CASP8: variants seen among roughly 807,000 people sequenced by gnomAD.
CASP8 encodes caspase-8.
In CASP8, 24 loss-of-function variants were observed where a neutral mutation model predicts 46.3. That is an observed-to-expected ratio of 0.52 (90% CI 0.38 to 0.73). The LOEUF is 0.73. Among genes scored for constraint, CASP8 ranks in the 30% least tolerant of loss-of-function variants. CASP8 has a pLI of 0.00. For synonymous variants in CASP8, 188 were observed against 200.4 expected (o/e 0.94, Z 0.52); for missense variants, 460 against 559.0 (o/e 0.82, Z 1.79).
chr2:201,267,929 G>T (rs1316039229), intron 2 of CASP8, among the ~76,000 whole-genome samples: 1 of 152,028 alleles, frequency 6.6e-6, no homozygotes, highest in Non-Finnish European at 1.5e-5. Flanking sequence ...TTTTTGTTTT[G>T]TTTTGTTTTG....
At chr2:201,243,571 G>A (rs1240332291) in intron 2 of CASP8, among the ~76,000 whole-genome samples, 1 of 152,064 alleles carries the variant, frequency 6.6e-6, no homozygotes, top group Non-Finnish European at 1.5e-5. Flanking sequence ...CAAATACTAG[G>A]AAGCTAATAG....
chr2:201,240,952 A>G (rs148408744), intron 2 of CASP8: 1 of 152,246 alleles, frequency 6.6e-6, no homozygotes, highest in Non-Finnish European at 1.5e-5. Context: ...AAATAAAAAA[A>G]GAAATTAGGA....
chr2:201,241,630 G>T (rs747094948), intron 2 of CASP8: 3 of 152,170 alleles, frequency 2.0e-5, no homozygotes, highest in Non-Finnish European at 4.4e-5. Flanking sequence ...ATCTCAAGAA[G>T]AATTAATGCC....
chr2:201,285,650 G>C (rs527601128), intron 8 of CASP8, among the ~76,000 whole-genome samples: 2 of 152,298 alleles, frequency 1.3e-5, no homozygotes, highest in Admixed American at 1.3e-4. Context: ...GGAAAGGATA[G>C]GAAAGTCATA....
Position 201,286,843 on chromosome 2 carries a change from TCTC to T in CASP8, c.*252_*254del. 1 of 405,910 alleles carries T rather than the reference TCTC, an allele frequency of 2.5e-6. No individual in the cohort carries two copies. The highest frequency in any genetic ancestry group is 4.7e-6 in the Non-Finnish European group (1 of 214,158). The allele number at this position is 405,910 out of a possible 1,614,324, so 25.1% of individuals were successfully genotyped here. A position where few individuals can be genotyped will look rare whatever the true frequency, so the allele number is the denominator to read the frequency against. On this transcript the variant is annotated 3_prime_UTR_variant, in exon 9 of 9. Transcript: ENST00000673742. ...ACTGTGTTAGCCAGGGTGGTCTTGA[TCTC>T]CTGACCTCGTGATCCACCCACCTCG...
chr2:201,244,770 C>T (rs1946439077), intron 2 of CASP8, among the ~76,000 whole-genome samples: 1 of 152,086 alleles, frequency 6.6e-6, no homozygotes, highest in Non-Finnish European at 1.5e-5. Flanking sequence ...TTTTTAATAG[C>T]TAATCTAATC....
intron 7 of CASP8, among the ~76,000 whole-genome samples, chr2:201,283,331 A>C (rs1395068147): frequency 1.6e-5 from 1 of 64,386 alleles, no homozygotes; most frequent in African/African-American, 5.6e-5. Context: ...CTCACTTCCC[A>C]GTAGGGGCGG....
intron 2 of CASP8, among the ~76,000 whole-genome samples, chr2:201,255,324 TACCTCA>T (rs1170095171): frequency 1.3e-5 from 2 of 152,210 alleles, no homozygotes; most frequent in Admixed American, 1.3e-4. Context: ...GTGATCCGCC[TACCTCA>T]ATCTCTTCAA....
At chr2:201,274,540 T>A (rs1027714114) in intron 5 of CASP8, among the ~76,000 whole-genome samples, 1 of 152,212 alleles carries the variant, frequency 6.6e-6, no homozygotes, top group Non-Finnish European at 1.5e-5. Context: ...AGTAGTGCGA[T>A]CTCAGCTCAC....
At chr2:201,238,958 T>C (rs1446002739) in intron 2 of CASP8, among the ~76,000 whole-genome samples, 1 of 151,430 alleles carries the variant, frequency 6.6e-6, no homozygotes, top group Non-Finnish European at 1.5e-5. Context: ...GATTAGGGAG[T>C]GGTGATGACT....
chr2:201,281,839 A>G, intron 7 of CASP8: 2 of 1,460,742 alleles, frequency 1.4e-6, no homozygotes, highest in African/African-American at 1.4e-5. Flanking sequence ...TCAGGGTTTG[A>G]GAATGTTTTT....
chr2:201,277,003 T>C (rs763451173), intron 7 of CASP8, 35 bp downstream of exon 7: 2 of 1,472,674 alleles, frequency 1.4e-6, no homozygotes, highest in Non-Finnish European at 1.9e-6. Flanking sequence ...AGTAAAATAT[T>C]TCTTATGCCT....
intron 6 of CASP8, among the ~76,000 whole-genome samples, chr2:201,275,279 GAGAA>G (rs1279740708): frequency 1.3e-5 from 2 of 152,154 alleles, no homozygotes; most frequent in African/African-American, 4.8e-5. Context: ...GAGTGGTTTG[GAGAA>G]AGAGTCTAGC....
Position 201,266,564 on chromosome 2 carries a change from C to A in CASP8, c.78C>A (p.Ser26Arg). ...SEDLASLKFL[S>R]LDYIPQRKQE... ...ATCTGGCCTCCCTCAAGTTCCTGAG[C>A]CTGGACTACATTCCGCAAAGGAAGC... Residue 26 changes from serine to arginine, a missense_variant, in exon 2 of 9, where the codon AGC (serine) becomes AGA (arginine). By Grantham distance (110) the Ser-to-Arg change is moderately radical. Coordinates refer to ENST00000673742, the MANE Select transcript of CASP8 (RefSeq NM_001372051.1). The surrounding 1 kb of genome is among the most constrained non-coding windows in gnomAD (Gnocchi z 5.7). The A allele has an allele frequency of 6.2e-7, 1 of 1,614,042 alleles. No homozygotes were observed. Among genetic ancestry groups the A allele is most frequent in the Non-Finnish European group, 8.5e-7 (1 of 1,179,966 alleles).
intron 1 of CASP8, chr2:201,233,677 A>G (rs1238494044): frequency 6.6e-6 from 1 of 152,188 alleles, no homozygotes; most frequent in Non-Finnish European, 1.5e-5. Context: ...CAACCTTACC[A>G]AGCAGTTCTT....
intron 7 of CASP8, among the ~76,000 whole-genome samples, chr2:201,281,614 A>G (rs1386529443): frequency 1.5e-5 from 2 of 137,490 alleles, no homozygotes; most frequent in African/African-American, 5.5e-5. Context: ...CATATCTTTT[A>G]TTTTGCTATA....
intron 5 of CASP8, among the ~76,000 whole-genome samples, chr2:201,274,562 C>T (rs1024758905): frequency 6.6e-5 from 10 of 152,196 alleles, no homozygotes; most frequent in Admixed American, 5.2e-4. Context: ...GCAACCACTA[C>T]CTCCCAAGTT....
intron 2 of CASP8, among the ~76,000 whole-genome samples, chr2:201,254,470 G>A (rs1273607040): frequency 2.6e-5 from 4 of 152,210 alleles, no homozygotes; most frequent in Non-Finnish European, 4.4e-5. Flanking sequence ...CAGTAGCCAA[G>A]GCCAGCTGCC....
At chr2:201,253,791 G>A (rs1196095730) in intron 2 of CASP8, among the ~76,000 whole-genome samples, 4 of 152,176 alleles carry the variant, frequency 2.6e-5, no homozygotes, top group Admixed American at 1.3e-4. Context: ...AAACCTTTAA[G>A]AAAATTCTGG....
Sources: gnomAD v4.1 joint callset for allele counts (sites outside exome capture counted in the v4.1 genomes callset) on GRCh38, gnomAD v4.1.1 for gene constraint, Gnocchi (gnomAD v3.1) non-coding constraint, MANE v1.5 for transcripts, NCBI Gene and HGNC (gene_info 2026-07-23, HGNC 2026-07-21) for gene names.